Variants in MUS81 observed in about 807,000 individuals in gnomAD.
MUS81 encodes structure-specific endonuclease subunit MUS81.
MUS81 carries 69 observed loss-of-function variants against 74.2 expected under a neutral mutation model. The ratio of observed to expected loss-of-function variants is 0.93; its 90% CI spans 0.77 to 1.14. The LOEUF (loss-of-function observed/expected upper bound fraction) is 1.14, where lower values mean the gene tolerates loss of function less well. Among genes scored for constraint, MUS81 ranks in the 50% most tolerant of loss-of-function variants. The probability of loss-of-function intolerance (pLI) is 0.00; values close to 1 mark genes in which losing one functional copy is unlikely to be tolerated. For missense variants in MUS81, 711 were observed against 726.5 expected, an observed-to-expected ratio of 0.98 and a Z score of 0.25; for synonymous variants, 303 against 300.6, an observed-to-expected ratio of 1.01 and a Z score of -0.08.
At position 65,865,335 on chromosome 11, in the gene MUS81, AG is replaced by A. The variant is rs778037519; in HGVS notation, c.1505+15del. 1.2e-6 allele frequency: 2 copies of A among 1,609,420 alleles called. No individual in the cohort carries two copies. On this transcript the variant is annotated intron_variant, in intron 14 of 15. Transcript: ENST00000308110. ...AGCACCCCTGCCAGGTAGGCCCTAA[AG>A]GGCCCTTAGGTGTCCTCAGCCCCTG...
At chr11:65,860,288 G>C (rs761897563), upstream of MUS81, 1 of 458,350 alleles carries the variant, frequency 2.2e-6, no homozygotes, top group South Asian at 1.5e-5. Context: ...CAAGCTTGAG[G>C]CTGAAGCTGA....
chr11:65,863,908 T>G lies in MUS81; in HGVS notation c.1059+7T>G. 2 of 1,613,724 alleles carry G rather than the reference T, an allele frequency of 1.2e-6. No homozygotes were observed. Among genetic ancestry groups the G allele is most frequent in the Non-Finnish European group, 1.7e-6 (2 of 1,179,778 alleles). ...CCGCTTCCGGGAGCAGAAGGTAATTTTGCTGGCTTTGCCAGGCTTCCCTGC... is the reference window on the plus strand; with the variant it reads ...CCGCTTCCGGGAGCAGAAGGTAATTGTGCTGGCTTTGCCAGGCTTCCCTGC... On this transcript the variant is annotated splice_region_variant and intron_variant, in intron 10 of 15. Transcript: ENST00000308110.
intron 14 of MUS81, 99 bp from the exon 15 acceptor site, chr11:65,865,712 A>T: frequency 8.1e-7 from 1 of 1,238,800 alleles, no homozygotes. Flanking sequence ...CAGTGTCCCA[A>T]CTCTTCCATC....
rs536197876 is a variant in MUS81, at chr11:65,864,431, T to C, written c.1060-66T>C. On this transcript the variant is annotated intron_variant, in intron 10 of 15. Transcript: ENST00000308110. ...TCCCGGCACCATTTTGAGTGTGACA[T>C]CATGGATGCCCAGGCATGTGGTCAT... is the stretch of plus-strand genomic sequence containing the variant. 1.6e-5 allele frequency: 23 copies of C among 1,407,730 alleles called. No homozygotes were observed. In the African/African-American group the frequency reaches 3.2e-4, roughly 20 times the overall value. 87.2% of individuals were successfully genotyped at this position (1,407,730 alleles called of 1,614,324 possible).
At chr11:65,862,891 CAGGCCCA>C (rs1429790941) in intron 6 of MUS81, among the ~76,000 whole-genome samples, 167 bp from the exon 7 acceptor site, 1 of 152,202 alleles carries the variant, frequency 6.6e-6, no homozygotes, top group Non-Finnish European at 1.5e-5. Context: ...TGGCGCTGAG[CAGGCCCA>C]AGGAACTGCT....
At chr11:65,862,722 TGGA>T (rs1859658624) in intron 6 of MUS81, among the ~76,000 whole-genome samples, 193 bp downstream of exon 6, 1 of 152,060 alleles carries the variant, frequency 6.6e-6, no homozygotes. Context: ...CGGTGGTTAT[TGGA>T]GGAGGAGAAA....
downstream of MUS81, chr11:65,866,824 C>T (rs1859854941): frequency 6.6e-7 from 1 of 1,517,884 alleles, no homozygotes; most frequent in East Asian, 2.4e-5. Flanking sequence ...GCCACCAGGA[C>T]TTTCTTTCTC....
chr11:65,866,221 G>A lies in MUS81; in HGVS notation c.*169G>A, dbSNP rs1859831232. On this transcript the variant is annotated 3_prime_UTR_variant, in exon 16 of 16. Coordinates refer to ENST00000308110, the MANE Select transcript of MUS81 (RefSeq NM_025128.5). ...CCTTGTGAAATACGCAGGAACCAGG[G>A]ATACCATCTGGTCCAGTGGTTTTTA... 1.5e-6 allele frequency: 1 copy of A among 659,644 alleles called. No individual in the cohort carries two copies. The highest frequency in any genetic ancestry group is 2.7e-5 in the East Asian group (1 of 36,536). 40.9% of individuals were successfully genotyped at this position (659,644 alleles called of 1,614,324 possible).
chr11:65,867,024 CG>C (rs1859861591), downstream of MUS81: 1 of 1,614,154 alleles, frequency 6.2e-7, no homozygotes, highest in Non-Finnish European at 8.5e-7. Context: ...CACGTACTCC[CG>C]GGGGCCCGTC....
chr11:65,861,286 C>T (rs1232941321), intron 2 of MUS81, 64 bp from the exon 3 acceptor site: 9 of 1,542,892 alleles, frequency 5.8e-6, no homozygotes, highest in Non-Finnish European at 7.9e-6. Context: ...GAGTAGGTTG[C>T]ATCCCAGATC....
At chr11:65,862,594 C>A in intron 6 of MUS81, 65 bp downstream of exon 6, 1 of 1,426,148 alleles carries the variant, frequency 7.0e-7, no homozygotes, top group Non-Finnish European at 9.8e-7. Context: ...CTTAGAGTCA[C>A]CCAACAACTC....
chr11:65,867,168 G>A (rs753336515), downstream of MUS81: 40 of 1,541,800 alleles, frequency 2.6e-5, no homozygotes, highest in East Asian at 4.5e-5. Context: ...CCCCGTGGCC[G>A]TGAGGCAGAG....
rs746333896 is a variant in MUS81, at chr11:65,863,843, G to A, written c.1001G>A (p.Arg334His). The A allele has an allele frequency of 1.2e-5, 20 of 1,613,992 alleles. No homozygotes were observed. The highest frequency in any genetic ancestry group is 4.5e-5 in the East Asian group (2 of 44,902). Reference sequence around the variant, plus strand: ...TTGGTACTGGATCACATTGTGGAGCGCAAGCGACTGGATGACCTTTGCAGC... The same window carrying A: ...TTGGTACTGGATCACATTGTGGAGCACAAGCGACTGGATGACCTTTGCAGC... ...GELVLDHIVE[R>H]KRLDDLCSSI... The change falls in exon 10 of 16, where the codon CGC (arginine) becomes CAC (histidine). Residue 334 changes from arginine to histidine, a missense_variant. Coordinates refer to ENST00000308110, the MANE Select transcript of MUS81 (RefSeq NM_025128.5).
chr11:65,860,339 C>G (rs1485509444), upstream of MUS81: 1 of 466,566 alleles, frequency 2.1e-6, no homozygotes, highest in Non-Finnish European at 4.3e-6. Flanking sequence ...TCAGGTTAGT[C>G]CGTTAAGCGC....
chr11:65,863,355 G>A (rs1859686317), intron 7 of MUS81, 55 bp from the exon 8 acceptor site: 3 of 1,606,650 alleles, frequency 1.9e-6, no homozygotes, highest in Admixed American at 3.4e-5. Flanking sequence ...TGGGTGTGGG[G>A]CAACTGCCCT....
upstream of MUS81, chr11:65,859,969 C>G (rs1200829152): frequency 5.0e-5 from 11 of 218,996 alleles, no homozygotes; most frequent in Non-Finnish European, 1.1e-4. Context: ...GCCAGGATGC[C>G]CAAGCACCTC....
Position 65,866,283 on chromosome 11 carries a change from G to A in MUS81, c.*231G>A, listed in dbSNP as rs1859833080. 3 of 600,800 alleles carry A rather than the reference G, an allele frequency of 5.0e-6. No homozygotes were observed. The highest frequency in any genetic ancestry group is 1.9e-5 in the African/African-American group (1 of 53,854). The allele number at this position is 600,800 out of a possible 1,614,324, so 37.2% of individuals were successfully genotyped here. A position where few individuals can be genotyped will look rare whatever the true frequency, so the allele number is the denominator to read the frequency against. On this transcript the variant is annotated 3_prime_UTR_variant, in exon 16 of 16. Coordinates refer to ENST00000308110, the MANE Select transcript of MUS81 (RefSeq NM_025128.5). ...TTAGCACCTGGAATTCCCTGGTCAG[G>A]GAGATGGAGTCAGTGGGGCATTGCA...
rs757454968 is a variant in MUS81 at position 65,863,111 on chromosome 11, G to C, written c.652G>C (p.Glu218Gln). Residue 218 changes from glutamate to glutamine, a missense_variant, in exon 7 of 16, where the codon GAG (glutamate) becomes CAG (glutamine). Transcript: ENST00000308110. ...EGLELAQKLAESEGLSLLNVG... is the reference protein window; with the variant it reads ...EGLELAQKLAQSEGLSLLNVG... ...CCTGGAGCTGGCCCAGAAGTTGGCC[G>C]AGTCAGAAGGCCTGAGCTTGCTGAA... The C allele has an allele frequency of 2.5e-6, 4 of 1,614,156 alleles. No homozygotes were observed. The South Asian group carries it at 4.4e-5, about 18-fold the overall frequency.
At chr11:65,860,139 T>C (rs1211585222), upstream of MUS81, 1 of 414,278 alleles carries the variant, frequency 2.4e-6, no homozygotes, top group African/African-American at 2.0e-5. Context: ...CTGCAGCTCC[T>C]CCTGCCTTAC....
Sources: allele counts gnomAD v4.1 joint callset (sites outside exome capture counted in the v4.1 genomes callset), GRCh38; gene constraint gnomAD v4.1.1; transcripts MANE v1.5; gene names NCBI Gene and HGNC (gene_info 2026-07-23, HGNC 2026-07-21).